NCAM2: variants seen among roughly 807,000 people sequenced by gnomAD.
The protein encoded by NCAM2 is neural cell adhesion molecule 2, also known as N-CAM-2.
In NCAM2, 30 loss-of-function variants were observed where a neutral mutation model predicts 98.1. The observed-to-expected ratio is 0.31, with a 90% CI of 0.23 to 0.41. The LOEUF is 0.41. NCAM2 is among the 10% of genes least tolerant of loss of function. NCAM2 has a pLI of 1.00. For missense variants in NCAM2, 867 were observed against 1,005.8 expected (o/e 0.86, Z 1.87); for synonymous variants, 368 against 342.4 (o/e 1.07, Z -0.83).
At chr21:21,536,482 C>T (rs1989990268) in intron 17 of NCAM2, among the ~76,000 whole-genome samples, 1 of 151,712 alleles carries the variant, frequency 6.6e-6, no homozygotes, top group African/African-American at 2.4e-5. Flanking sequence ...ACCTCCGCCT[C>T]CCAGGTTCAA....
chr21:21,344,530 A>G (rs1056168975), intron 8 of NCAM2, among the ~76,000 whole-genome samples: 1 of 152,070 alleles, frequency 6.6e-6, no homozygotes, highest in Non-Finnish European at 1.5e-5. Flanking sequence ...CTACAGGGTG[A>G]GGCTCCTCTG....
chr21:21,235,828 C>T (rs1340025960), intron 1 of NCAM2, among the ~76,000 whole-genome samples: 1 of 152,022 alleles, frequency 6.6e-6, no homozygotes, highest in African/African-American at 2.4e-5. Context: ...CAACCCCTGT[C>T]TTTACTGAAA....
intron 5 of NCAM2, among the ~76,000 whole-genome samples, chr21:21,316,824 G>A (rs564555040): frequency 4.6e-5 from 7 of 152,154 alleles, no homozygotes; most frequent in Admixed American, 2.6e-4. Context: ...GATTACAGGC[G>A]TTAGCCACCG....
rs143457418 is a variant in NCAM2 at position 21,301,032 on chromosome 21, T to C, written c.619+8791T>C. ...CACCACGGATAGTGAATATATCTTC[T>C]TTTGAGAAGTATTTGTTCGTGTCCT... On this transcript the variant is annotated intron_variant, in intron 5 of 17. Coordinates refer to ENST00000400546, the MANE Select transcript of NCAM2 (RefSeq NM_004540.5). Among the ~76,000 whole-genome samples the C allele has an allele frequency of 2.9e-3, 440 of 152,232 alleles. 2 individuals are homozygous for C. The highest frequency in any genetic ancestry group is 3.6e-3 in the Non-Finnish European group (245 of 67,998).
chr21:21,302,487 C>T (rs1444644755), intron 5 of NCAM2, among the ~76,000 whole-genome samples: 1 of 151,974 alleles, frequency 6.6e-6, no homozygotes, highest in East Asian at 1.9e-4. Context: ...GTACCAGTAC[C>T]ACATTGTTTT....
chr21:21,299,912 A>G (rs766654608), intron 5 of NCAM2, among the ~76,000 whole-genome samples: 2 of 151,954 alleles, frequency 1.3e-5, no homozygotes, highest in Admixed American at 6.6e-5. Flanking sequence ...TAGTATTTGC[A>G]TATAGCCTAC....
At chr21:21,531,490 G>A (rs1158615436) in intron 16 of NCAM2, among the ~76,000 whole-genome samples, 3 of 151,620 alleles carry the variant, frequency 2.0e-5, no homozygotes, top group Non-Finnish European at 4.4e-5. Flanking sequence ...TCCGAAGGAT[G>A]GGGAGTTTTA....
chr21:21,120,438 AG>A (rs1311075377), intron 1 of NCAM2, among the ~76,000 whole-genome samples: 5 of 151,918 alleles, frequency 3.3e-5, no homozygotes, highest in African/African-American at 1.2e-4. Flanking sequence ...ACTGTAGGTG[AG>A]TTAGTGTATG....
At chr21:21,151,948 A>G (rs1348876249) in intron 1 of NCAM2, among the ~76,000 whole-genome samples, 1 of 151,896 alleles carries the variant, frequency 6.6e-6, no homozygotes, top group Non-Finnish European at 1.5e-5. Context: ...TAATTTCTTT[A>G]TGTGTATCCT....
intron 8 of NCAM2, among the ~76,000 whole-genome samples, chr21:21,345,754 C>T (rs947216343): frequency 7.9e-5 from 12 of 151,900 alleles, no homozygotes; most frequent in Non-Finnish European, 1.0e-4. Flanking sequence ...AATATCTAAC[C>T]GCAGGAAAGT....
At chr21:21,239,636 G>C (rs748189425) in intron 1 of NCAM2, among the ~76,000 whole-genome samples, 1 of 152,016 alleles carries the variant, frequency 6.6e-6, no homozygotes, top group African/African-American at 2.4e-5. Flanking sequence ...TGGCCATTCA[G>C]TAATAAATGT....
chr21:21,153,985 T>G lies in NCAM2; in HGVS notation c.56-126593T>G, dbSNP rs539661298. Among the ~76,000 whole-genome samples the G allele has an allele frequency of 1.5e-3, 224 of 151,978 alleles. 1 individual carries two copies. Among genetic ancestry groups the G allele is most frequent in the African/African-American group, 5.2e-3 (215 of 41,510 alleles). ...TTTCTTGGTTAAATATATGATTAAG[T>G]TTATAAATGAGATAGAGAATATGTG... is the stretch of plus-strand genomic sequence containing the variant. On this transcript the variant is annotated intron_variant, in intron 1 of 17. Transcript: ENST00000400546.
intron 5 of NCAM2, among the ~76,000 whole-genome samples, chr21:21,321,291 C>T (rs2074367735): frequency 6.6e-6 from 1 of 151,824 alleles, no homozygotes; most frequent in African/African-American, 2.4e-5. Flanking sequence ...TGTTTAAGTT[C>T]CTTATAGATT....
chr21:21,439,894 T>C (rs1302536590), intron 12 of NCAM2, among the ~76,000 whole-genome samples: 2 of 152,218 alleles, frequency 1.3e-5, no homozygotes, highest in African/African-American at 4.8e-5. Context: ...TGTATGTTCA[T>C]TCATATACTG....
chr21:21,209,316 A>T (rs1450173787), intron 1 of NCAM2, among the ~76,000 whole-genome samples: 3 of 152,204 alleles, frequency 2.0e-5, no homozygotes, highest in Non-Finnish European at 2.9e-5. Context: ...TCTAGACTCA[A>T]GTAATCCTCC....
intron 15 of NCAM2, among the ~76,000 whole-genome samples, chr21:21,494,704 T>G (rs1987091808): frequency 6.6e-6 from 1 of 152,096 alleles, no homozygotes; most frequent in South Asian, 2.1e-4. Flanking sequence ...AGTTCCAACA[T>G]ACATAATAAT....
At chr21:21,255,597 T>C (rs1449083897) in intron 1 of NCAM2, among the ~76,000 whole-genome samples, 1 of 152,240 alleles carries the variant, frequency 6.6e-6, no homozygotes, top group East Asian at 1.9e-4. Flanking sequence ...TTCATAACAC[T>C]AACCAATTCC....
At chr21:21,299,561 TTCTC>T (rs904415551) in intron 5 of NCAM2, among the ~76,000 whole-genome samples, 5 of 150,404 alleles carry the variant, frequency 3.3e-5, no homozygotes, top group African/African-American at 4.9e-5. Context: ...TAAAATGTGA[TTCTC>T]TCTCTCTCTC....
chr21:21,406,064 C>T (rs1258642257), intron 9 of NCAM2, among the ~76,000 whole-genome samples: 1 of 152,112 alleles, frequency 6.6e-6, no homozygotes, highest in Non-Finnish European at 1.5e-5. Flanking sequence ...TTTTTAAACA[C>T]CTTCTTGGGG....
Sources: allele counts gnomAD v4.1 joint callset (sites outside exome capture counted in the v4.1 genomes callset), GRCh38; gene constraint gnomAD v4.1.1; transcripts MANE v1.5; gene names NCBI Gene and HGNC (gene_info 2026-07-23, HGNC 2026-07-21).